MYCBP2: variants seen among roughly 807,000 people sequenced by gnomAD.
MYCBP2 encodes E3 ubiquitin-protein ligase MYCBP2.
MYCBP2 carries 120 observed loss-of-function variants against 525.3 expected under a neutral mutation model. The observed-to-expected ratio is 0.23, with a 90% confidence interval of 0.20 to 0.27. The LOEUF (loss-of-function observed/expected upper bound fraction) is 0.27. Ranked by LOEUF, MYCBP2 falls within the 10% of genes least tolerant of loss-of-function variation. The pLI, the probability that MYCBP2 is intolerant of heterozygous loss-of-function variation, is 1.00. For missense variants in MYCBP2, 4,149 were observed against 5,657.1 expected (o/e 0.73, Z 8.55); for synonymous variants, 1,894 against 1,955.8 (o/e 0.97, Z 0.83).
chr13:77,169,528 A>C, intron 39 of MYCBP2, 86 bp downstream of exon 39: 7 of 1,193,780 alleles, frequency 5.9e-6, no homozygotes, highest in Non-Finnish European at 7.3e-6. Flanking sequence ...CAAAGATGCA[A>C]GTTTTTGTAA....
At chr13:77,090,621 A>G (rs2045244917) in intron 59 of MYCBP2, 1 of 158,520 alleles carries the variant, frequency 6.3e-6, no homozygotes, top group African/African-American at 2.4e-5. Context: ...AAATAGAAAG[A>G]AAATGGATAT....
intron 43 of MYCBP2, 113 bp from the exon 44 acceptor site, chr13:77,162,068 G>C: frequency 1.4e-6 from 1 of 705,738 alleles, no homozygotes. Context: ...TGCTATTCCA[G>C]ATTGAAAAGA....
Position 77,233,201 on chromosome 13 carries a change from T to C in MYCBP2, c.2692A>G (p.Arg898Gly). ...TGCTTTAGCTGTGCTGGATGGGATCTGAGTCTGGCTAGAGCCTGTTCTCGA... is the reference window on the plus strand; with the variant it reads ...TGCTTTAGCTGTGCTGGATGGGATCCGAGTCTGGCTAGAGCCTGTTCTCGA... ...NHREQALARLRSHPAQLKHKR... is the reference protein window; with the variant it reads ...NHREQALARLGSHPAQLKHKR... The change falls in exon 18 of 83, where the codon AGA becomes GGA. Residue 898 changes from arginine to glycine, a missense_variant. Physicochemically the swap from Arg to Gly is moderately radical, Grantham distance 125. This residue lies in a region of MYCBP2 where 620 missense variants were observed against 795.5 expected (regional missense o/e 0.78). Coordinates refer to ENST00000544440, the MANE Select transcript of MYCBP2 (RefSeq NM_015057.5). 1 of 1,613,876 alleles carries C rather than the reference T, an allele frequency of 6.2e-7. No individual in the cohort carries two copies.
In MYCBP2 at chr13:77,276,151, A is replaced by G. The variant is rs543636211; in HGVS notation, c.749-2483T>C. ...AAGGGGGTGCTATTACATTTCAGTG[A>G]GTACTCGAGAATATAATCTAATTGA... On this transcript the variant is annotated intron_variant, in intron 4 of 82. Coordinates refer to ENST00000544440, the MANE Select transcript of MYCBP2 (RefSeq NM_015057.5). Among the ~76,000 whole-genome samples, 4 of 152,366 alleles carry G rather than the reference A, an allele frequency of 2.6e-5. 1 individual carries two copies. In the South Asian group the frequency reaches 6.2e-4, roughly 24 times the overall value.
At chr13:77,254,259 A>T (rs1191717358) in intron 14 of MYCBP2, among the ~76,000 whole-genome samples, 1 of 151,942 alleles carries the variant, frequency 6.6e-6, no homozygotes, top group East Asian at 1.9e-4. Context: ...AAAATATATA[A>T]GAACATGATT....
chr13:77,162,236 T>C (rs904771473), intron 43 of MYCBP2, among the ~76,000 whole-genome samples: 2 of 152,196 alleles, frequency 1.3e-5, no homozygotes, highest in African/African-American at 4.8e-5. Flanking sequence ...GTATACTTTC[T>C]GAACTTAGTG....
chr13:77,313,881 A>G (rs2080580549), intron 1 of MYCBP2, among the ~76,000 whole-genome samples: 1 of 152,104 alleles, frequency 6.6e-6, no homozygotes, highest in East Asian at 1.9e-4. Flanking sequence ...CAAGATATAT[A>G]GATGGCAAAT....
At chr13:77,248,697 A>G (rs1488365609) in intron 15 of MYCBP2, among the ~76,000 whole-genome samples, 2 of 152,214 alleles carry the variant, frequency 1.3e-5, no homozygotes, top group African/African-American at 4.8e-5. Flanking sequence ...TGTGAAAAAT[A>G]GTATGGCAGT....
At chr13:77,183,535 C>CTCTT (rs1246490090) in intron 32 of MYCBP2, among the ~76,000 whole-genome samples, 1 of 79,576 alleles carries the variant, frequency 1.3e-5, no homozygotes, top group African/African-American at 4.1e-5. Context: ...GTGATAGTCC[C>CTCTT]TATTTCTTTT....
chr13:77,245,532 C>A (rs1408899447), intron 15 of MYCBP2, among the ~76,000 whole-genome samples: 1 of 150,610 alleles, frequency 6.6e-6, no homozygotes, highest in African/African-American at 2.5e-5. Context: ...TGCATGTTCT[C>A]ACTCATAAGT....
rs1321618943 is a variant in MYCBP2 at position 77,273,469 on chromosome 13, T to C, written c.945+3A>G. ...CTTCTAAGCAGATATAAATATGAAA[T>C]ACCTGAATAGTTTGGCAAGCATGGC... On this transcript the variant is annotated splice_donor_region_variant and intron_variant, in intron 5 of 82. Coordinates refer to ENST00000544440, the MANE Select transcript of MYCBP2 (RefSeq NM_015057.5). 1.9e-6 allele frequency: 3 copies of C among 1,571,122 alleles called. No individual in the cohort carries two copies. Among genetic ancestry groups the C allele is most frequent in the Non-Finnish European group, 2.6e-6 (3 of 1,165,386 alleles).
chr13:77,048,776 CCTGTGATT>C (rs2036131844), intron 82 of MYCBP2, among the ~76,000 whole-genome samples: 1 of 152,178 alleles, frequency 6.6e-6, no homozygotes, highest in Non-Finnish European at 1.5e-5. Flanking sequence ...CCGCCTCCCT[CCTGTGATT>C]CCTTTGTGTT....
chr13:77,118,714 T>C (rs1410769081), intron 55 of MYCBP2, among the ~76,000 whole-genome samples: 2 of 152,050 alleles, frequency 1.3e-5, no homozygotes, highest in Non-Finnish European at 2.9e-5. Context: ...CCAAATCTTA[T>C]ATAGAAGCCC....
chr13:77,062,457 G>A (rs2039467443), intron 74 of MYCBP2, 139 bp downstream of exon 74: 7 of 704,918 alleles, frequency 9.9e-6, no homozygotes, highest in Non-Finnish European at 1.7e-5. Flanking sequence ...GATGAACTTG[G>A]CCGAAGGGAC....
chr13:77,185,988 C>G lies in MYCBP2; in HGVS notation c.4327G>C (p.Gly1443Arg). ...GCTGTGAACTGGAATCCTTTTAATCCTCTAAGTTCTTCAACTCCTAAGACT... is the reference window on the plus strand; with the variant it reads ...GCTGTGAACTGGAATCCTTTTAATCGTCTAAGTTCTTCAACTCCTAAGACT... ...TLVLGVEELRGLKGFQFTATL... is the reference protein window; with the variant it reads ...TLVLGVEELRRLKGFQFTATL... Residue 1443 changes from glycine (G) to arginine (R), a missense_variant, in exon 31 of 83, where the codon GGA becomes CGA. This residue lies in a region of MYCBP2 where 292 missense variants were observed against 330.5 expected (regional missense o/e 0.88). Coordinates refer to ENST00000544440, the MANE Select transcript of MYCBP2 (RefSeq NM_015057.5). 6.2e-7 allele frequency: 1 copy of G among 1,613,708 alleles called. No individual in the cohort carries two copies. Among genetic ancestry groups the G allele is most frequent in the Non-Finnish European group, 8.5e-7 (1 of 1,179,828 alleles).
chr13:77,243,759 G>A, intron 16 of MYCBP2, 47 bp downstream of exon 16: 1 of 1,540,322 alleles, frequency 6.5e-7, no homozygotes, highest in South Asian at 1.2e-5. Context: ...CAGACTTACT[G>A]AGTTGAGGAC....
At chr13:77,078,968 T>C (rs2042821539) in intron 65 of MYCBP2, 79 bp from the exon 66 acceptor site, 2 of 1,164,412 alleles carry the variant, frequency 1.7e-6, no homozygotes, top group Non-Finnish European at 2.6e-6. Flanking sequence ...GACCTACTAA[T>C]ACCACATCAA....
chr13:77,192,405 ACAAACATTAT>A (rs1474481331), intron 27 of MYCBP2, among the ~76,000 whole-genome samples: 1 of 152,252 alleles, frequency 6.6e-6, no homozygotes, highest in African/African-American at 2.4e-5. Flanking sequence ...TAATATCTAT[ACAAACATTAT>A]TAATTTAGAA....
chr13:77,144,250 C>T (rs934124338), intron 49 of MYCBP2, 195 bp downstream of exon 49: 20 of 554,474 alleles, frequency 3.6e-5, no homozygotes, highest in Admixed American at 3.1e-4. Flanking sequence ...AGTGCCTGGG[C>T]GGACACCAGA....
Sources: allele counts gnomAD v4.1 joint callset (sites outside exome capture counted in the v4.1 genomes callset), GRCh38; gene constraint gnomAD v4.1.1; regional missense constraint gnomAD v4.1.1; transcripts MANE v1.5; gene names NCBI Gene and HGNC (gene_info 2026-07-23, HGNC 2026-07-21).